CACNA1H: variants seen among roughly 807,000 people sequenced by gnomAD.
CACNA1H encodes calcium voltage-gated channel subunit alpha1 H.
In CACNA1H, 149 loss-of-function variants were observed where a neutral mutation model predicts 192.5. That is an observed-to-expected ratio of 0.77 (90% CI 0.68 to 0.89). CACNA1H has a LOEUF of 0.89. Ranked by LOEUF, CACNA1H falls within the 40% of genes least tolerant of loss-of-function variation. The pLI is 0.00. For synonymous variants in CACNA1H, 2,202 were observed against 1,475.2 expected (o/e 1.49, Z -11.29); for missense variants, 4,257 against 3,423.5 (o/e 1.24, Z -6.08).
At position 1,218,052 on chromosome 16, in the gene CACNA1H, G is replaced by A. The variant is rs1242496472; in HGVS notation, c.5445+12G>A. On this transcript the variant is annotated intron_variant, in intron 32 of 34. Coordinates refer to ENST00000348261, the MANE Select transcript of CACNA1H (RefSeq NM_021098.3). ...ACGGGATCATGAAGGTACCCGCCGC[G>A]GCCATGCCTCTGGCACCTGGCAGCC... The A allele has an allele frequency of 5.6e-6, 9 of 1,595,380 alleles. No individual in the cohort carries two copies. Among genetic ancestry groups the A allele is most frequent in the African/African-American group, 2.7e-5 (2 of 74,706 alleles).
chr16:1,212,652 G>A (rs545649675), intron 26 of CACNA1H, 124 bp downstream of exon 26: 32 of 1,214,682 alleles, frequency 2.6e-5, no homozygotes, highest in Middle Eastern at 2.2e-4. Context: ...GGTGCTGGGC[G>A]TGTGGCGTGA....
chr16:1,212,900 C>T (rs1468181884), intron 26 of CACNA1H, among the ~76,000 whole-genome samples: 9 of 152,224 alleles, frequency 5.9e-5, no homozygotes, highest in Admixed American at 1.3e-4. Context: ...GACTGCATGC[C>T]GGCCGCAGAG....
At position 1,220,420 on chromosome 16, in the gene CACNA1H, G is replaced by C. The variant is rs1348390859; in HGVS notation, c.6488G>C (p.Gly2163Ala). 2 of 1,530,996 alleles carry C rather than the reference G, an allele frequency of 1.3e-6. No individual in the cohort carries two copies. The highest frequency in any genetic ancestry group is 2.2e-5 in the Admixed American group (1 of 44,782). The allele number at this position is 1,530,996 out of a possible 1,614,324, so 94.8% of individuals were successfully genotyped here. The change falls in exon 35 of 35, where the codon GGG (glycine) becomes GCG (alanine). Residue 2163 changes from glycine (G) to alanine (A), a missense_variant. Gly to Ala is a moderately conservative substitution (Grantham distance 60, BLOSUM62 0). Coordinates refer to ENST00000348261, the MANE Select transcript of CACNA1H (RefSeq NM_021098.3). Reference protein sequence around the residue: ...QWRPSAELGSGEPGEAKAWGP... With the variant: ...QWRPSAELGSAEPGEAKAWGP... ...CGGCCCTCGGCGGAGCTGGGCAGCG[G>C]GGAGCCTGGGGAGGCGAAGGCCTGG...
At chr16:1,168,942 C>T (rs1206568143) in intron 2 of CACNA1H, among the ~76,000 whole-genome samples, 1 of 152,102 alleles carries the variant, frequency 6.6e-6, no homozygotes, top group African/African-American at 2.4e-5. Context: ...GGGCTGGGGC[C>T]GCCCCCTGCC....
chr16:1,179,888 C>A (rs1965295088), intron 2 of CACNA1H, among the ~76,000 whole-genome samples: 1 of 152,082 alleles, frequency 6.6e-6, no homozygotes, highest in East Asian at 1.9e-4. Flanking sequence ...GCATGTGCCA[C>A]CACGCCCAGC....
chr16:1,210,622 G>A lies in CACNA1H; in HGVS notation c.4009G>A (p.Ala1337Thr). 8 of 1,606,630 alleles carry A rather than the reference G, an allele frequency of 5.0e-6. No individual in the cohort carries two copies. Among genetic ancestry groups the A allele is most frequent in the Non-Finnish European group, 6.8e-6 (8 of 1,179,756 alleles). Residue 1337 changes from alanine to threonine, a missense_variant, in exon 20 of 35, where the codon GCC (alanine) becomes ACC (threonine). Transcript: ENST00000348261. ...CAGCGTCTCCAATTACATCTTCACGGCCATCTTCGTGGCGGAGATGATGGT... is the reference window on the plus strand; with the variant it reads ...CAGCGTCTCCAATTACATCTTCACGACCATCTTCGTGGCGGAGATGATGGT... ...FLSVSNYIFT[A>T]IFVAEMMVKV...
intron 2 of CACNA1H, among the ~76,000 whole-genome samples, chr16:1,155,119 G>A (rs1364419520): frequency 1.3e-5 from 2 of 152,234 alleles, no homozygotes; most frequent in Non-Finnish European, 2.9e-5. Flanking sequence ...ACACGAAAGA[G>A]GAATCTGTAC....
intron 2 of CACNA1H, 118 bp downstream of exon 2, chr16:1,154,154 G>C (rs565242327): frequency 2.6e-6 from 2 of 764,620 alleles, no homozygotes; most frequent in Admixed American, 9.1e-5. Context: ...GACCTGGCGT[G>C]GGCCGGGCGC....
rs1970450304 is a variant in CACNA1H at position 1,221,086 on chromosome 16, C to G, written c.*92C>G. Reference sequence around the variant, plus strand: ...AGGCAGAACCCTGCATGGACCCTGACTTGGGTCCCGTCGTGAGCAGAAAGG... The same window carrying G: ...AGGCAGAACCCTGCATGGACCCTGAGTTGGGTCCCGTCGTGAGCAGAAAGG... On this transcript the variant is annotated 3_prime_UTR_variant, in exon 35 of 35. Transcript: ENST00000348261. 4 of 997,412 alleles carry G rather than the reference C, an allele frequency of 4.0e-6. No individual in the cohort carries two copies. Among genetic ancestry groups the G allele is most frequent in the East Asian group, 2.6e-5 (1 of 38,066 alleles). 61.8% of individuals were successfully genotyped at this position (997,412 alleles called of 1,614,324 possible).
chr16:1,175,126 C>G (rs766140244), intron 2 of CACNA1H, among the ~76,000 whole-genome samples: 2 of 151,908 alleles, frequency 1.3e-5, no homozygotes, highest in Admixed American at 1.3e-4. Context: ...CGCAGGCCAA[C>G]GCCCACTGCC....
In CACNA1H at chr16:1,194,906, A is replaced by G; in HGVS notation, c.300-66A>G. On this transcript the variant is annotated intron_variant, in intron 2 of 34. Transcript: ENST00000348261. ...CGGGGCTCCGGCTGACCGGGTGGGC[A>G]TTTGGAGGGCCCCATGGGAGCGGGT... 3 of 1,190,332 alleles carry G rather than the reference A, an allele frequency of 2.5e-6. No individual in the cohort carries two copies. The Admixed American group carries it at 5.1e-5, about 20-fold the overall frequency. 73.7% of individuals were successfully genotyped at this position (1,190,332 alleles called of 1,614,324 possible). A position where few individuals can be genotyped will look rare whatever the true frequency, so the allele number is the denominator to read the frequency against.
In CACNA1H at chr16:1,210,835, A is replaced by G; in HGVS notation, c.4087A>G (p.Ser1363Gly). 6.2e-7 allele frequency: 1 copy of G among 1,604,640 alleles called. No homozygotes were observed. Among genetic ancestry groups the G allele is most frequent in the Non-Finnish European group, 8.5e-7 (1 of 1,179,722 alleles). The stretch of plus-strand genomic sequence containing the variant: ...CGGCGAGCACGCCTACCTGCAGAGC[A>G]GCTGGAACCTGCTGGATGGGCTGCT... ...LSGEHAYLQS[S>G]WNLLDGLLVL... Residue 1363 changes from serine (S) to glycine (G), a missense_variant, in exon 21 of 35, where the codon AGC (serine) becomes GGC (glycine). Ser to Gly is a moderately conservative substitution (Grantham distance 56). Coordinates refer to ENST00000348261, the MANE Select transcript of CACNA1H (RefSeq NM_021098.3).
Position 1,220,436 on chromosome 16 carries a change from G to A in CACNA1H, c.6504G>A (p.Ala2168=), listed in dbSNP as rs751933126. Residue 2168 remains alanine (A), a synonymous_variant, in exon 35 of 35, where the codon GCG becomes GCA. Transcript: ENST00000348261. The part of the protein sequence containing the change: ...AELGSGEPGE[A]KAWGPEAEPA... ...TGGGCAGCGGGGAGCCTGGGGAGGCGAAGGCCTGGGGCCCTGAGGCCGAGC... is the reference window on the plus strand; with the variant it reads ...TGGGCAGCGGGGAGCCTGGGGAGGCAAAGGCCTGGGGCCCTGAGGCCGAGC... 2.5e-5 allele frequency: 38 copies of A among 1,536,418 alleles called. No homozygotes were observed. The highest frequency in any genetic ancestry group is 8.9e-5 in the Admixed American group (4 of 45,158).
At chr16:1,190,239 C>T (rs527498498) in intron 2 of CACNA1H, among the ~76,000 whole-genome samples, 77 of 152,376 alleles carry the variant, frequency 5.1e-4, no homozygotes, top group South Asian at 1.7e-3. Context: ...CCTGCTTCTC[C>T]GACCCGCAGT....
At chr16:1,168,115 C>T (rs985634786) in intron 2 of CACNA1H, among the ~76,000 whole-genome samples, 4 of 152,124 alleles carry the variant, frequency 2.6e-5, no homozygotes, top group Non-Finnish European at 5.9e-5. Flanking sequence ...GACCAGAATT[C>T]CCCTGGGGCA....
intron 2 of CACNA1H, among the ~76,000 whole-genome samples, chr16:1,193,194 T>C (rs9926274): frequency 0.12 from 18,590 of 152,084 alleles, 3,385 homozygotes; most frequent in African/African-American, 0.39. Flanking sequence ...ACCCCTCCCC[T>C]CGGGAAATGA....
chr16:1,218,604 C>A lies in CACNA1H; in HGVS notation c.5840C>A (p.Pro1947Gln). 1 of 1,565,184 alleles carries A rather than the reference C, an allele frequency of 6.4e-7. No homozygotes were observed. Among genetic ancestry groups the A allele is most frequent in the Non-Finnish European group, 8.7e-7 (1 of 1,155,166 alleles). Reference protein sequence around the residue: ...VVPASAPHPRPLQEVEMETYG... With the variant: ...VVPASAPHPRQLQEVEMETYG... ...CCTGCCTCGGCGCCCCACCCCCGCCCGCTGCAGGAGGTGGAGATGGAGACC... is the reference window on the plus strand; with the variant it reads ...CCTGCCTCGGCGCCCCACCCCCGCCAGCTGCAGGAGGTGGAGATGGAGACC... Residue 1947 changes from proline (P) to glutamine (Q), a missense_variant, in exon 33 of 35, where the codon CCG becomes CAG. By Grantham distance (76) the Pro-to-Gln change is moderately conservative. Transcript: ENST00000348261.
Position 1,221,579 on chromosome 16 carries a change from G to A in CACNA1H, c.*585G>A, listed in dbSNP as rs983363602. ...TAAGGGGCCGACCCCATGGAGTAAC[G>A]CGCCCGGCCCCGATGCGAATCAGGC... is the stretch of plus-strand genomic sequence containing the variant. On this transcript the variant is annotated 3_prime_UTR_variant, in exon 35 of 35. Coordinates refer to ENST00000348261, the MANE Select transcript of CACNA1H (RefSeq NM_021098.3). 32 of 575,434 alleles carry A rather than the reference G, an allele frequency of 5.6e-5. No homozygotes were observed. The highest frequency in any genetic ancestry group is 2.2e-4 in the East Asian group (7 of 31,948). The allele number at this position is 575,434 out of a possible 1,614,324, so 35.6% of individuals were successfully genotyped here. A position where few individuals can be genotyped will look rare whatever the true frequency, so the allele number is the denominator to read the frequency against.
At chr16:1,190,267 T>C (rs1170417266) in intron 2 of CACNA1H, among the ~76,000 whole-genome samples, 1 of 152,236 alleles carries the variant, frequency 6.6e-6, no homozygotes. Context: ...GATTCTAATT[T>C]ATAGAAGTTG....
Sources: allele counts gnomAD v4.1 joint callset (sites outside exome capture counted in the v4.1 genomes callset), GRCh38; gene constraint gnomAD v4.1.1; transcripts MANE v1.5; gene names NCBI Gene and HGNC (gene_info 2026-07-23, HGNC 2026-07-21).